The following XKR6 variants were observed in gnomAD, a reference collection of about 807,000 sequenced individuals.
XKR6 encodes XK-related protein 6.
Under a neutral mutation model 56.7 loss-of-function variants are expected in XKR6, and 22 were observed. The observed-to-expected ratio is 0.39, with a 90% CI of 0.28 to 0.55. XKR6 has a LOEUF of 0.55. XKR6 is among the 20% of genes least tolerant of loss of function. The probability of loss-of-function intolerance (pLI) is 0.66; values close to 1 mark genes in which losing one functional copy is unlikely to be tolerated. For synonymous variants in XKR6, 524 were observed against 387.8 expected (o/e 1.35, Z -4.13); for missense variants, 852 against 889.0 (o/e 0.96, Z 0.53).
At chr8:11,074,175 G>A (rs1018513093) in intron 1 of XKR6, among the ~76,000 whole-genome samples, 2 of 152,134 alleles carry the variant, frequency 1.3e-5, no homozygotes, top group Admixed American at 1.3e-4. Context: ...CGAGGTTCAC[G>A]GCCCCAGCGA....
chr8:11,144,273 CA>C (rs1223936995), intron 1 of XKR6, among the ~76,000 whole-genome samples: 2 of 125,942 alleles, frequency 1.6e-5, no homozygotes, highest in Non-Finnish European at 3.2e-5. Flanking sequence ...GTAGGCTTCA[CA>C]GGTCTTCTCG....
At chr8:10,913,530 G>T (rs917163804) in intron 2 of XKR6, among the ~76,000 whole-genome samples, 6 of 152,096 alleles carry the variant, frequency 3.9e-5, no homozygotes, top group African/African-American at 1.4e-4. Context: ...ATCGCTGTTG[G>T]GTGCTTCCTT....
At chr8:10,997,001 G>A (rs1315849612) in intron 1 of XKR6, among the ~76,000 whole-genome samples, 1 of 152,082 alleles carries the variant, frequency 6.6e-6, no homozygotes, top group Non-Finnish European at 1.5e-5. Flanking sequence ...AACAACAAAT[G>A]TCTGCTTTTA....
At position 10,959,542 on chromosome 8, in the gene XKR6, C is replaced by T. The variant is rs1227454678; in HGVS notation, c.765-34712G>A. ...CTCTCTTCCTACTTGCAGACAGCCA[C>T]CTTCTTGCTGTGTCCTCACGTGGTG... On this transcript the variant is annotated intron_variant, in intron 1 of 2. Transcript: ENST00000416569. 7.2e-5 allele frequency among the ~76,000 whole-genome samples: 11 copies of T among 152,284 alleles called. No homozygotes were observed. In the East Asian group the frequency reaches 1.7e-3, roughly 24 times the overall value.
intron 1 of XKR6, among the ~76,000 whole-genome samples, chr8:11,148,479 G>A (rs1230266361): frequency 2.6e-5 from 4 of 152,214 alleles, no homozygotes; most frequent in African/African-American, 9.7e-5. Context: ...ATACATTGCT[G>A]TTGTTTAAGC....
At chr8:10,996,203 C>T (rs1008147249) in intron 1 of XKR6, among the ~76,000 whole-genome samples, 1 of 152,164 alleles carries the variant, frequency 6.6e-6, no homozygotes, top group African/African-American at 2.4e-5. Flanking sequence ...CAAAATATTG[C>T]ACTGTAACCC....
chr8:10,917,426 C>T (rs563731868), intron 2 of XKR6, among the ~76,000 whole-genome samples: 6 of 152,304 alleles, frequency 3.9e-5, no homozygotes, highest in Admixed American at 2.0e-4. Flanking sequence ...TGCAACATGT[C>T]GAGGTCTGCT....
chr8:10,939,738 C>T (rs1801333963), intron 1 of XKR6, among the ~76,000 whole-genome samples: 1 of 152,224 alleles, frequency 6.6e-6, no homozygotes, highest in South Asian at 2.1e-4. Context: ...GACCAGAGAC[C>T]AGGGGCCTCG....
At position 11,185,167 on chromosome 8, in the gene XKR6, G is replaced by A. The variant is rs566476930; in HGVS notation, c.764+15409C>T. Among the ~76,000 whole-genome samples the A allele has an allele frequency of 5.9e-5, 9 of 152,272 alleles. No individual in the cohort carries two copies. The South Asian group carries it at 8.3e-4, about 14-fold the overall frequency. On this transcript the variant is annotated intron_variant, in intron 1 of 2. Transcript: ENST00000416569. ...GGCACCCTGTCCAGGACTGGTGCCC[G>A]CCGTGTGCCCTGAGCTCCTAGGATA...
Position 11,200,953 on chromosome 8 carries a change from G to T in XKR6, c.387C>A (p.Cys129Ter). ...CCAGCAGCGCCAGCACGATCCACAG[G>T]CAGTCGAGCCACGGCCGCTCCACCT... ...PPQVERPWLD[C>*]LWIVLALLVF... Residue 129 changes from cysteine (C) to a stop codon, truncating the protein, a stop_gained, in exon 1 of 3, where the codon TGC becomes TGA. Coordinates refer to ENST00000416569, the MANE Select transcript of XKR6 (RefSeq NM_173683.4). LOFTEE classifies it high-confidence loss of function. This position sits in a 1 kb window ranked among gnomAD's most constrained non-coding sequence, Gnocchi z 6.4. The T allele has an allele frequency of 6.3e-7, 1 of 1,583,552 alleles. No homozygotes were observed.
intron 1 of XKR6, among the ~76,000 whole-genome samples, chr8:11,111,302 G>A (rs922923720): frequency 4.6e-5 from 7 of 152,092 alleles, no homozygotes; most frequent in Non-Finnish European, 7.4e-5. Context: ...GGCGGCTGGA[G>A]GGCAAACTGA....
At chr8:11,004,410 T>C (rs1318860265) in intron 1 of XKR6, among the ~76,000 whole-genome samples, 1 of 152,086 alleles carries the variant, frequency 6.6e-6, no homozygotes, top group Non-Finnish European at 1.5e-5. Context: ...AGGCGGAGGT[T>C]GCAGTGAGCC....
intron 1 of XKR6, among the ~76,000 whole-genome samples, chr8:10,952,854 G>T (rs1397525635): frequency 6.6e-6 from 1 of 152,172 alleles, no homozygotes; most frequent in East Asian, 1.9e-4. Context: ...CTGCACAGCA[G>T]GAGGTGAGTG....
intron 1 of XKR6, among the ~76,000 whole-genome samples, chr8:11,039,201 CA>C (rs1799222689): frequency 1.3e-5 from 2 of 152,234 alleles, no homozygotes; most frequent in African/African-American, 4.8e-5. Context: ...GGGAGGCCAC[CA>C]GCCAATGTAC....
At chr8:11,153,761 G>C (rs533935953) in intron 1 of XKR6, among the ~76,000 whole-genome samples, 4 of 152,274 alleles carry the variant, frequency 2.6e-5, no homozygotes, top group African/African-American at 9.6e-5. Context: ...CAAGCCAAAA[G>C]CCTTAAGAGG....
intron 1 of XKR6, among the ~76,000 whole-genome samples, chr8:10,980,321 C>G (rs1797699987): frequency 6.6e-6 from 1 of 152,166 alleles, no homozygotes; most frequent in African/African-American, 2.4e-5. Context: ...TGTGTTCAGA[C>G]TGAGGAGGGC....
intron 1 of XKR6, among the ~76,000 whole-genome samples, chr8:10,934,889 G>T (rs1801167593): frequency 7.5e-6 from 1 of 132,624 alleles, no homozygotes; most frequent in African/African-American, 3.0e-5. Context: ...GCCCGGCTTT[G>T]GTATCAGAAT....
At chr8:10,953,673 A>G (rs934478440) in intron 1 of XKR6, among the ~76,000 whole-genome samples, 1 of 152,200 alleles carries the variant, frequency 6.6e-6, no homozygotes, top group Non-Finnish European at 1.5e-5. Flanking sequence ...TCTAGATAAT[A>G]GCTGTATTTA....
intron 1 of XKR6, among the ~76,000 whole-genome samples, chr8:11,133,443 G>C (rs1423911944): frequency 6.6e-6 from 1 of 152,060 alleles, no homozygotes; most frequent in Admixed American, 6.5e-5. Context: ...CCTGGAGAGA[G>C]GGCAAAAACT....
Sources: gnomAD v4.1 joint callset for allele counts (sites outside exome capture counted in the v4.1 genomes callset) on GRCh38, gnomAD v4.1.1 for gene constraint, Gnocchi (gnomAD v3.1) non-coding constraint, MANE v1.5 for transcripts, NCBI Gene and HGNC (gene_info 2026-07-23, HGNC 2026-07-21) for gene names.